The following SHROOM3 variants were observed in gnomAD, a reference collection of about 807,000 sequenced individuals.
SHROOM3 encodes the protein shroom family member 3.
A neutral mutation model predicts 138.6 loss-of-function variants in SHROOM3; 47 were observed. The observed-to-expected ratio is 0.34, with a 90% confidence interval of 0.27 to 0.43. SHROOM3 has a LOEUF of 0.43. SHROOM3 is among the 20% of genes least tolerant of loss of function. The pLI is 1.00. For synonymous variants in SHROOM3, 1,062 were observed against 1,063.3 expected (o/e 1.00, Z 0.02); for missense variants, 2,491 against 2,596.5 (o/e 0.96, Z 0.88).
intron 1 of SHROOM3, chr4:76,509,297 G>A (rs1037351870): frequency 6.6e-6 from 1 of 151,980 alleles, no homozygotes; most frequent in Admixed American, 6.6e-5. Context: ...ATAATGACAG[G>A]ATCCGGTTAG....
intron 1 of SHROOM3, among the ~76,000 whole-genome samples, chr4:76,440,370 C>T (rs113433757): frequency 1.3e-5 from 2 of 152,146 alleles, no homozygotes; most frequent in African/African-American, 2.4e-5. Context: ...AGAGTCCATG[C>T]GCCTCACACC....
chr4:76,781,502 C>T lies in SHROOM3; in HGVS notation c.*2325C>T, dbSNP rs1475257495. ...ACAGGCAATGCTGCTTGGCATGCCA[C>T]AAACATCTGAAAGCTTGTGACACTC... On this transcript the variant is annotated 3_prime_UTR_variant, in exon 11 of 11. Coordinates refer to ENST00000296043, the MANE Select transcript of SHROOM3 (RefSeq NM_020859.4). 6.6e-6 allele frequency: 1 copy of T among 152,172 alleles called. No homozygotes were observed. The highest frequency in any genetic ancestry group is 2.4e-5 in the African/African-American group (1 of 41,436). The allele number at this position is 152,172 out of a possible 1,614,324, so 9.4% of individuals were successfully genotyped here. A position where few individuals can be genotyped will look rare whatever the true frequency, so the allele number is the denominator to read the frequency against.
At chr4:76,775,817 A>G (rs1722544004) in intron 10 of SHROOM3, among the ~76,000 whole-genome samples, 2 of 146,714 alleles carry the variant, frequency 1.4e-5, no homozygotes, top group South Asian at 2.2e-4. Flanking sequence ...CTATATATAT[A>G]CACACACACA....
Position 76,779,154 on chromosome 4 carries a change from C to G in SHROOM3, c.5968C>G (p.Pro1990Ala), listed in dbSNP as rs1481975694. The change falls in exon 11 of 11, where the codon CCA becomes GCA. Residue 1990 changes from proline to alanine, a missense_variant. Coordinates refer to ENST00000296043, the MANE Select transcript of SHROOM3 (RefSeq NM_020859.4). ...AGGCTFSGIF[P>A]TLTSPL ...GGGCTGTACTTTCAGTGGTATTTTC[C>G]CAACATTAACCTCTCCACTTTAACC... The G allele has an allele frequency of 6.2e-7, 1 of 1,611,216 alleles. No homozygotes were observed. The highest frequency in any genetic ancestry group is 1.7e-5 in the Admixed American group (1 of 59,784).
At chr4:76,646,605 C>T (rs1735827627) in intron 2 of SHROOM3, among the ~76,000 whole-genome samples, 1 of 152,108 alleles carries the variant, frequency 6.6e-6, no homozygotes, top group Admixed American at 6.6e-5. Flanking sequence ...TAGATAAGGA[C>T]AGCCACTTAC....
intron 5 of SHROOM3, among the ~76,000 whole-genome samples, chr4:76,744,816 CAG>C (rs1249414061): frequency 6.6e-6 from 1 of 152,202 alleles, no homozygotes; most frequent in Non-Finnish European, 1.5e-5. Flanking sequence ...CAGATGCTGA[CAG>C]GGCAGGATTT....
chr4:76,485,522 T>C (rs780958594), intron 1 of SHROOM3, among the ~76,000 whole-genome samples: 8 of 152,216 alleles, frequency 5.3e-5, no homozygotes, highest in Non-Finnish European at 1.2e-4. Context: ...TTGATCGTTT[T>C]GCACAAAACA....
At chr4:76,543,590 G>A (rs965498524) in intron 1 of SHROOM3, among the ~76,000 whole-genome samples, 1 of 152,182 alleles carries the variant, frequency 6.6e-6, no homozygotes, top group Non-Finnish European at 1.5e-5. Flanking sequence ...TCCATGATGT[G>A]TCTGCAGGGC....
At chr4:76,653,311 G>A (rs1335748288) in intron 2 of SHROOM3, among the ~76,000 whole-genome samples, 1 of 151,698 alleles carries the variant, frequency 6.6e-6, no homozygotes, top group African/African-American at 2.4e-5. Flanking sequence ...TTGTTGTTGG[G>A]TCTGCCCTGG....
chr4:76,441,351 C>G (rs904099887), intron 1 of SHROOM3, among the ~76,000 whole-genome samples: 1 of 152,140 alleles, frequency 6.6e-6, no homozygotes, highest in Admixed American at 6.5e-5. Context: ...CCTCGGCCTC[C>G]CAAAGTGTTG....
chr4:76,616,300 G>A (rs1310583353), intron 2 of SHROOM3, among the ~76,000 whole-genome samples: 1 of 152,078 alleles, frequency 6.6e-6, no homozygotes, highest in Non-Finnish European at 1.5e-5. Flanking sequence ...CATAAATAAT[G>A]TTTTTAAAAC....
chr4:76,601,216 T>C (rs993012592), intron 2 of SHROOM3, among the ~76,000 whole-genome samples: 12 of 152,194 alleles, frequency 7.9e-5, no homozygotes, highest in South Asian at 4.1e-4. Context: ...CCAGGGGACA[T>C]TTAACAATAT....
At chr4:76,644,405 A>C (rs1735763650) in intron 2 of SHROOM3, 2 of 150,824 alleles carry the variant, frequency 1.3e-5, no homozygotes, top group Admixed American at 6.6e-5. Context: ...ATGCGCCACC[A>C]TGTCTGGCTA....
intron 1 of SHROOM3, among the ~76,000 whole-genome samples, chr4:76,474,094 ATAT>A (rs1200401289): frequency 6.6e-6 from 1 of 152,272 alleles, no homozygotes; most frequent in Non-Finnish European, 1.5e-5. Context: ...CATTGATGAA[ATAT>A]TATTCAGTCA....
intron 2 of SHROOM3, among the ~76,000 whole-genome samples, chr4:76,561,807 C>G (rs541079428): frequency 6.6e-6 from 1 of 151,552 alleles, no homozygotes; most frequent in African/African-American, 2.4e-5. Context: ...GTCAGGAGTT[C>G]GAGACCAGCC....
intron 2 of SHROOM3, among the ~76,000 whole-genome samples, chr4:76,605,747 G>C (rs937619803): frequency 6.6e-6 from 1 of 151,536 alleles, no homozygotes; most frequent in African/African-American, 2.4e-5. Context: ...ATGAAAAGAT[G>C]TATGCTTTTA....
intron 2 of SHROOM3, among the ~76,000 whole-genome samples, chr4:76,624,602 G>A (rs1349720016): frequency 6.6e-6 from 1 of 152,120 alleles, no homozygotes; most frequent in Non-Finnish European, 1.5e-5. Flanking sequence ...CTGGTATCTG[G>A]CGACTCTCTG....
intron 10 of SHROOM3, among the ~76,000 whole-genome samples, chr4:76,776,237 G>A (rs973730639): frequency 1.3e-5 from 2 of 152,094 alleles, no homozygotes; most frequent in African/African-American, 4.8e-5. Context: ...AGTTTTTCAC[G>A]TTTGTTGACC....
intron 2 of SHROOM3, among the ~76,000 whole-genome samples, chr4:76,696,453 G>A (rs994262196): frequency 1.3e-5 from 2 of 152,236 alleles, no homozygotes; most frequent in African/African-American, 4.8e-5. Context: ...AGCTGGATTT[G>A]TGAAATGGGG....
Sources: gnomAD v4.1 joint callset for allele counts (sites outside exome capture counted in the v4.1 genomes callset) on GRCh38, gnomAD v4.1.1 for gene constraint, MANE v1.5 for transcripts, NCBI Gene and HGNC (gene_info 2026-07-23, HGNC 2026-07-21) for gene names.